Variants in GRB10 observed in about 807,000 individuals in gnomAD.
GRB10 encodes growth factor receptor bound protein 10, also known as growth factor receptor-bound protein 10.
In GRB10, 20 loss-of-function variants were observed where a neutral mutation model predicts 80.9. That is an observed-to-expected ratio of 0.25 (90% CI 0.17 to 0.36). The LOEUF (loss-of-function observed/expected upper bound fraction) is 0.36, where lower values mean the gene tolerates loss of function less well. Among genes scored for constraint, GRB10 ranks in the 10% least tolerant of loss-of-function variants. The pLI is 1.00. For missense variants in GRB10, 548 were observed against 747.7 expected, an observed-to-expected ratio of 0.73 and a Z score of 3.12; for synonymous variants, 291 against 291.5, an observed-to-expected ratio of 1.00 and a Z score of 0.02.
At chr7:50,612,948 C>T (rs958112128) in intron 12 of GRB10, 109 bp from the exon 13 acceptor site, 2 of 745,172 alleles carry the variant, frequency 2.7e-6, no homozygotes, top group African/African-American at 3.5e-5. Flanking sequence ...AGCTGGAGAT[C>T]CCCCTAGCAA....
chr7:50,669,668 T>A, intron 7 of GRB10, 54 bp downstream of exon 7: 2 of 1,544,422 alleles, frequency 1.3e-6, no homozygotes, highest in Non-Finnish European at 1.8e-6. Flanking sequence ...TCTGTGCAGA[T>A]CCCAATAATC....
intron 13 of GRB10, among the ~76,000 whole-genome samples, chr7:50,608,760 T>C (rs2048960795): frequency 1.3e-5 from 2 of 151,730 alleles, no homozygotes; most frequent in Non-Finnish European, 2.9e-5. Context: ...AGTCCAGGAG[T>C]TTGTGACCAG....
intron 7 of GRB10, among the ~76,000 whole-genome samples, chr7:50,649,002 T>C (rs1337872423): frequency 6.6e-6 from 1 of 152,132 alleles, no homozygotes; most frequent in African/African-American, 2.4e-5. Context: ...GAAACCCATG[T>C]TGGGGAGCTG....
At chr7:50,760,744 T>C (rs926225299) in intron 2 of GRB10, among the ~76,000 whole-genome samples, 2 of 152,236 alleles carry the variant, frequency 1.3e-5, no homozygotes, top group African/African-American at 2.4e-5. Flanking sequence ...CCATGTGCTA[T>C]ACAAGCTACA....
intron 7 of GRB10, among the ~76,000 whole-genome samples, chr7:50,665,628 C>T (rs777627978): frequency 5.9e-5 from 9 of 152,196 alleles, no homozygotes; most frequent in Non-Finnish European, 1.2e-4. Context: ...TGCCACCCCA[C>T]GTGGGGGTAG....
At chr7:50,702,955 G>A (rs1384258407) in intron 5 of GRB10, among the ~76,000 whole-genome samples, 2 of 152,268 alleles carry the variant, frequency 1.3e-5, no homozygotes, top group Non-Finnish European at 2.9e-5. Flanking sequence ...AACGTAACAC[G>A]TTAAAATTTT....
chr7:50,607,055 T>A (rs2048675532), intron 13 of GRB10: 1 of 153,822 alleles, frequency 6.5e-6, no homozygotes, highest in African/African-American at 2.4e-5. Context: ...CCCATTTTTT[T>A]ACTACAACAT....
intron 7 of GRB10, among the ~76,000 whole-genome samples, chr7:50,649,552 GC>G (rs2057724731): frequency 6.6e-6 from 1 of 152,244 alleles, no homozygotes; most frequent in Non-Finnish European, 1.5e-5. Context: ...ACAGGGGAGA[GC>G]TTGGATTTAA....
At chr7:50,770,128 C>T (rs2076833746) in intron 2 of GRB10, among the ~76,000 whole-genome samples, 1 of 152,178 alleles carries the variant, frequency 6.6e-6, no homozygotes, top group Non-Finnish European at 1.5e-5. Flanking sequence ...CTGCCTGGTC[C>T]CAGGCTCTCT....
intron 5 of GRB10, among the ~76,000 whole-genome samples, chr7:50,679,174 T>C (rs2061291071): frequency 6.6e-6 from 1 of 152,240 alleles, no homozygotes; most frequent in Admixed American, 6.5e-5. Context: ...TTGCCCCAAA[T>C]ATTTGAGTAG....
rs373975319 is a variant in GRB10 at position 50,708,737 on chromosome 7, G to A, written c.52-4829C>T. Among the ~76,000 whole-genome samples the A allele has an allele frequency of 3.4e-5, 5 of 148,754 alleles. No homozygotes were observed. The East Asian group carries it at 5.9e-4, about 18-fold the overall frequency. On this transcript the variant is annotated intron_variant, in intron 4 of 18. Transcript: ENST00000401949. ...TGTCGCCAGGCTGGAGTGCAGTGGC[G>A]TGATCTCGGCTCACTGCAATCTCCA...
chr7:50,758,140 C>T (rs1165516130), intron 2 of GRB10, among the ~76,000 whole-genome samples: 2 of 152,142 alleles, frequency 1.3e-5, no homozygotes, highest in East Asian at 1.9e-4. Context: ...CCTCAGTGTC[C>T]GCCCATCAAC....
chr7:50,614,965 C>T, intron 11 of GRB10, 85 bp from the exon 12 acceptor site: 1 of 838,520 alleles, frequency 1.2e-6, no homozygotes, highest in South Asian at 1.3e-5. Flanking sequence ...GCAGTCTCTG[C>T]ACACTTACAA....
chr7:50,693,956 C>A (rs1299464931), intron 5 of GRB10, among the ~76,000 whole-genome samples: 1 of 151,870 alleles, frequency 6.6e-6, no homozygotes, highest in Admixed American at 6.6e-5. Flanking sequence ...GTGTCTCTGG[C>A]CAAGCAGAAG....
In GRB10 at chr7:50,639,233, G is replaced by A. The variant is rs184370860; in HGVS notation, c.505-12255C>T. On this transcript the variant is annotated intron_variant, in intron 7 of 18. Transcript: ENST00000401949. ...GTAGCAAACCTGCACATACACCCCC[G>A]AGTCTAAAATTTAAAAATACGTTTT... Among the ~76,000 whole-genome samples, 6 of 152,238 alleles carry A rather than the reference G, an allele frequency of 3.9e-5. No homozygotes were observed. In the East Asian group the frequency reaches 9.6e-4, roughly 24 times the overall value.
In GRB10 at chr7:50,623,578, A is replaced by T. The variant is rs1433617466; in HGVS notation, c.661+3244T>A. 2.0e-5 allele frequency among the ~76,000 whole-genome samples: 3 copies of T among 152,220 alleles called. No homozygotes were observed. The East Asian group carries it at 5.8e-4, about 29-fold the overall frequency. ...TTGCTGCCAATGGAGGGTGACCAGC[A>T]TCTCAGAGGAGCGATGCCCTCCAGG... On this transcript the variant is annotated intron_variant, in intron 8 of 18. Transcript: ENST00000401949.
At chr7:50,742,235 A>G (rs1277088721) in intron 3 of GRB10, among the ~76,000 whole-genome samples, 2 of 151,400 alleles carry the variant, frequency 1.3e-5, no homozygotes, top group African/African-American at 2.4e-5. Flanking sequence ...CTTTTTATGT[A>G]TTTGTCTATG....
intron 7 of GRB10, among the ~76,000 whole-genome samples, chr7:50,637,342 T>C (rs1563242451): frequency 2.0e-5 from 3 of 152,152 alleles, no homozygotes. Flanking sequence ...AGTTTCAGAA[T>C]ACAAAATCAG....
At chr7:50,790,358 C>G (rs1242279329) in intron 1 of GRB10, among the ~76,000 whole-genome samples, 1 of 152,002 alleles carries the variant, frequency 6.6e-6, no homozygotes, top group Non-Finnish European at 1.5e-5. Flanking sequence ...TGTACTTCTA[C>G]AGTTATATAA....
Sources: gnomAD v4.1 joint callset for allele counts (sites outside exome capture counted in the v4.1 genomes callset) on GRCh38, gnomAD v4.1.1 for gene constraint, MANE v1.5 for transcripts, NCBI Gene and HGNC (gene_info 2026-07-23, HGNC 2026-07-21) for gene names.